Variants in CARMIL1 observed in about 807,000 individuals in gnomAD.
CARMIL1 encodes capping protein regulator and myosin 1 linker 1.
CARMIL1 carries 90 observed loss-of-function variants against 177.1 expected under a neutral mutation model. That is an observed-to-expected ratio of 0.51 (90% CI 0.43 to 0.61). CARMIL1 has a LOEUF of 0.61. Ranked by LOEUF, CARMIL1 falls within the 20% of genes least tolerant of loss-of-function variation. CARMIL1 has a pLI of 0.00. For missense variants in CARMIL1, 1,380 were observed against 1,667.0 expected (o/e 0.83, Z 3.00); for synonymous variants, 577 against 606.2 (o/e 0.95, Z 0.71).
chr6:25,443,770 G>A (rs1019223985), intron 5 of CARMIL1, among the ~76,000 whole-genome samples: 1 of 152,034 alleles, frequency 6.6e-6, no homozygotes, highest in Non-Finnish European at 1.5e-5. Flanking sequence ...GACTATCAGG[G>A]TGGTGGTTGC....
intron 15 of CARMIL1, among the ~76,000 whole-genome samples, chr6:25,493,210 T>C (rs1289427776): frequency 6.6e-6 from 1 of 152,266 alleles, no homozygotes; most frequent in African/African-American, 2.4e-5. Context: ...TCAGTAGAGC[T>C]GTTAAGCTTA....
chr6:25,536,088 T>C (rs1297023430), intron 24 of CARMIL1, among the ~76,000 whole-genome samples: 1 of 152,192 alleles, frequency 6.6e-6, no homozygotes, highest in Non-Finnish European at 1.5e-5. Flanking sequence ...AACTTTATAG[T>C]GCCTCATCCA....
intron 2 of CARMIL1, among the ~76,000 whole-genome samples, chr6:25,395,134 G>A (rs1295776494): frequency 6.6e-6 from 1 of 152,140 alleles, no homozygotes; most frequent in African/African-American, 2.4e-5. Context: ...CTAGGAGCTC[G>A]CTGAATTGGC....
rs148105929 is a variant in CARMIL1 at position 25,280,443 on chromosome 6, A to G, written c.40+608A>G. Among the ~76,000 whole-genome samples, 133 of 152,264 alleles carry G rather than the reference A, an allele frequency of 8.7e-4. 2 individuals carry two copies. Among genetic ancestry groups the G allele is most frequent in the African/African-American group, 2.8e-3 (117 of 41,564 alleles). ...AGCGAAAGGGTTACAGGGCTGACGC[A>G]GACTCAGGCCAGGAAATAGAGGGTT... On this transcript the variant is annotated intron_variant, in intron 1 of 36. Coordinates refer to ENST00000329474, the MANE Select transcript of CARMIL1 (RefSeq NM_017640.6).
intron 8 of CARMIL1, among the ~76,000 whole-genome samples, chr6:25,458,914 T>C (rs1799765048): frequency 6.6e-6 from 1 of 152,240 alleles, no homozygotes. Context: ...TTATAAATGC[T>C]TGCTATTTTC....
chr6:25,539,556 C>T (rs760367151), intron 25 of CARMIL1, among the ~76,000 whole-genome samples: 9 of 125,870 alleles, frequency 7.2e-5, no homozygotes, highest in Non-Finnish European at 1.3e-4. Context: ...ACCCGGGAGG[C>T]GGAGGTTGCA....
chr6:25,550,419 C>T (rs1191912800), intron 26 of CARMIL1, among the ~76,000 whole-genome samples: 2 of 152,070 alleles, frequency 1.3e-5, no homozygotes, highest in Non-Finnish European at 2.9e-5. Context: ...TGTGATTTTT[C>T]TGCTACTGCT....
rs558626370 is a variant in CARMIL1 at position 25,465,654 on chromosome 6, G to A, written c.615-219G>A. ...TTCTGATACCAACCTCTTTCCTTTG[G>A]AAGTAGGAAACAGAGTCCCTAGAGA... On this transcript the variant is annotated intron_variant, in intron 8 of 36. Coordinates refer to ENST00000329474, the MANE Select transcript of CARMIL1 (RefSeq NM_017640.6). 703 of 499,406 alleles carry A rather than the reference G, an allele frequency of 1.4e-3. 1 individual carries two copies. Among genetic ancestry groups the A allele is most frequent in the Non-Finnish European group, 2.0e-3 (580 of 283,780 alleles). The allele number at this position is 499,406 out of a possible 1,614,324, so 30.9% of individuals were successfully genotyped here. A position where few individuals can be genotyped will look rare whatever the true frequency, so the allele number is the denominator to read the frequency against.
intron 12 of CARMIL1, among the ~76,000 whole-genome samples, chr6:25,485,418 C>CTTATT (rs1214657509): frequency 2.6e-5 from 4 of 152,132 alleles, no homozygotes; most frequent in Non-Finnish European, 4.4e-5. Flanking sequence ...GAATTTTTAT[C>CTTATT]TTATTTTATT....
chr6:25,486,106 A>C (rs1802627019), intron 12 of CARMIL1, among the ~76,000 whole-genome samples: 1 of 152,214 alleles, frequency 6.6e-6, no homozygotes, highest in African/African-American at 2.4e-5. Context: ...AGCTGTAAAC[A>C]CTGCAATAAT....
intron 31 of CARMIL1, among the ~76,000 whole-genome samples, chr6:25,586,681 G>A (rs1295999618): frequency 6.6e-6 from 1 of 152,298 alleles, no homozygotes; most frequent in East Asian, 1.9e-4. Context: ...CATTGAGTGA[G>A]CGAGACTCCG....
chr6:25,359,415 A>T (rs1788965412), intron 2 of CARMIL1, among the ~76,000 whole-genome samples: 1 of 152,192 alleles, frequency 6.6e-6, no homozygotes, highest in Non-Finnish European at 1.5e-5. Flanking sequence ...CTCTCCTGGC[A>T]GATTTGACAC....
At chr6:25,283,723 AT>A (rs970440444) in intron 1 of CARMIL1, among the ~76,000 whole-genome samples, 11 of 151,566 alleles carry the variant, frequency 7.3e-5, no homozygotes, top group Non-Finnish European at 1.5e-4. Context: ...GCTTATTTTT[AT>A]TTTTTTGAGA....
chr6:25,317,554 A>T (rs1305254780), intron 2 of CARMIL1, among the ~76,000 whole-genome samples: 5 of 122,560 alleles, frequency 4.1e-5, no homozygotes, highest in South Asian at 2.7e-4. Flanking sequence ...GCTTTCCTTT[A>T]CTTAGGACTT....
chr6:25,575,472 G>C (rs1008291459), intron 29 of CARMIL1, among the ~76,000 whole-genome samples: 3 of 152,118 alleles, frequency 2.0e-5, no homozygotes, highest in Admixed American at 6.5e-5. Flanking sequence ...GAGAAGGAAA[G>C]TAAAAACTCA....
At chr6:25,534,635 G>A (rs1452651901) in intron 24 of CARMIL1, among the ~76,000 whole-genome samples, 1 of 152,142 alleles carries the variant, frequency 6.6e-6, no homozygotes, top group Admixed American at 6.5e-5. Flanking sequence ...AGAAGTCTAT[G>A]ATATGGCAGG....
chr6:25,421,619 C>G (rs1465083800), intron 3 of CARMIL1, among the ~76,000 whole-genome samples: 1 of 151,392 alleles, frequency 6.6e-6, no homozygotes, highest in Non-Finnish European at 1.5e-5. Flanking sequence ...GACTTGGAAC[C>G]AACCCAAATG....
chr6:25,369,246 T>C (rs1185220011), intron 2 of CARMIL1, among the ~76,000 whole-genome samples: 1 of 152,182 alleles, frequency 6.6e-6, no homozygotes, highest in African/African-American at 2.4e-5. Context: ...CATAACCTGG[T>C]TTTACCCCGT....
In CARMIL1 at chr6:25,326,921, T is replaced by A. The variant is rs2744303; in HGVS notation, c.138+42012T>A. Among the ~76,000 whole-genome samples, 1 of 151,826 alleles carries A rather than the reference T, an allele frequency of 6.6e-6. No individual in the cohort carries two copies. The highest frequency in any genetic ancestry group is 1.5e-5 in the Non-Finnish European group (1 of 67,976). On this transcript the variant is annotated intron_variant, in intron 2 of 36. Transcript: ENST00000329474. This position sits in a 1 kb window ranked among gnomAD's most constrained non-coding sequence, Gnocchi z 4.2. ...GCAACCTGATAAGGACCTTGTTTAT[T>A]GTGATGAGGGAGACTGGTGGGGGTA...
Sources: gnomAD v4.1 joint callset for allele counts (sites outside exome capture counted in the v4.1 genomes callset) on GRCh38, gnomAD v4.1.1 for gene constraint, Gnocchi (gnomAD v3.1) non-coding constraint, MANE v1.5 for transcripts, NCBI Gene and HGNC (gene_info 2026-07-23, HGNC 2026-07-21) for gene names.